TENM3: variants seen among roughly 807,000 people sequenced by gnomAD.
TENM3 encodes the protein teneurin-3.
In TENM3, 63 loss-of-function variants were observed where a neutral mutation model predicts 255.1. The observed-to-expected ratio is 0.25, with a 90% CI of 0.20 to 0.30. TENM3 has a LOEUF of 0.30. Among genes scored for constraint, TENM3 ranks in the 10% least tolerant of loss-of-function variants. The pLI is 1.00. For synonymous variants in TENM3, 1,306 were observed against 1,322.3 expected (o/e 0.99, Z 0.27); for missense variants, 2,929 against 3,461.1 (o/e 0.85, Z 3.86).
chr4:182,652,011 T>C (rs572209017), intron 5 of TENM3, among the ~76,000 whole-genome samples: 1 of 152,224 alleles, frequency 6.6e-6, no homozygotes, highest in Non-Finnish European at 1.5e-5. Flanking sequence ...TACTAACATG[T>C]TCTCCTCTCT....
At chr4:182,624,104 G>A (rs992934712) in intron 4 of TENM3, among the ~76,000 whole-genome samples, 1 of 152,094 alleles carries the variant, frequency 6.6e-6, no homozygotes, top group Non-Finnish European at 1.5e-5. Context: ...GGAATCACGC[G>A]GGGAGGCCAG....
At chr4:181,886,677 G>GT in the TENM3 span, among the ~76,000 whole-genome samples, 5 of 151,886 alleles carry the variant, frequency 3.3e-5, no homozygotes, top group Non-Finnish European at 7.4e-5. Flanking sequence ...AATCTCTTAG[G>GT]TTTTTTTCTA....
intron 1 of TENM3, among the ~76,000 whole-genome samples, chr4:182,237,799 A>G (rs1203708171): frequency 6.6e-6 from 1 of 152,222 alleles, no homozygotes; most frequent in Non-Finnish European, 1.5e-5. Flanking sequence ...ATAAGTCAGT[A>G]CAGGTTAAGT....
At chr4:181,511,399 A>T in the TENM3 span, among the ~76,000 whole-genome samples, 2 of 152,204 alleles carry the variant, frequency 1.3e-5, no homozygotes, top group African/African-American at 4.8e-5. Context: ...AAGCTGGAGT[A>T]CTGGGGGCCT....
Position 182,750,514 on chromosome 4 carries a change from G to A in TENM3, c.3630-1286G>A, listed in dbSNP as rs113883821. Among the ~76,000 whole-genome samples the A allele has an allele frequency of 3.7e-3, 559 of 152,274 alleles. 7 individuals carry two copies. Among genetic ancestry groups the A allele is most frequent in the African/African-American group, 0.013 (543 of 41,538 alleles). ...TCTCTTACAGGAATGATAAAGTACA[G>A]CTATTCAGCACTTAGACGGAAAATC... On this transcript the variant is annotated intron_variant, in intron 19 of 27. Coordinates refer to ENST00000511685, the MANE Select transcript of TENM3 (RefSeq NM_001080477.4).
At chr4:182,703,815 A>T (rs1758070642) in intron 12 of TENM3, among the ~76,000 whole-genome samples, 1 of 152,220 alleles carries the variant, frequency 6.6e-6, no homozygotes. Context: ...TTTTTCTTAA[A>T]TATTAAATGT....
intron 1 of TENM3, among the ~76,000 whole-genome samples, chr4:182,304,418 T>C (rs1458027230): frequency 6.6e-6 from 1 of 152,144 alleles, no homozygotes; most frequent in Admixed American, 6.5e-5. Flanking sequence ...TTCACCGTGT[T>C]AGCCGGGATG....
chr4:181,712,673 G>A, the TENM3 span, among the ~76,000 whole-genome samples: 1 of 152,142 alleles, frequency 6.6e-6, no homozygotes, highest in Admixed American at 6.5e-5. Flanking sequence ...GAAACAGATA[G>A]AATTAATAAG....
chr4:181,537,723 C>T, the TENM3 span, among the ~76,000 whole-genome samples: 3 of 152,262 alleles, frequency 2.0e-5, no homozygotes, highest in South Asian at 2.1e-4. Context: ...CTCAAGGTCA[C>T]GCAACTAACA....
At chr4:182,743,852 A>C (rs1429011892) in intron 19 of TENM3, among the ~76,000 whole-genome samples, 1 of 152,144 alleles carries the variant, frequency 6.6e-6, no homozygotes, top group Non-Finnish European at 1.5e-5. Context: ...AGAATATTGG[A>C]TCTTCAGGTT....
At chr4:181,956,066 T>G in the TENM3 span, among the ~76,000 whole-genome samples, 1 of 152,276 alleles carries the variant, frequency 6.6e-6, no homozygotes, top group South Asian at 2.1e-4. Flanking sequence ...AAGGCAGATT[T>G]TGTGTCTGGT....
chr4:182,613,294 G>A (rs1227760395), intron 4 of TENM3, among the ~76,000 whole-genome samples: 1 of 152,114 alleles, frequency 6.6e-6, no homozygotes, highest in African/African-American at 2.4e-5. Flanking sequence ...TACACTTGAT[G>A]ACATGGATTC....
chr4:181,938,911 T>C, the TENM3 span, among the ~76,000 whole-genome samples: 1 of 152,326 alleles, frequency 6.6e-6, no homozygotes, highest in South Asian at 2.1e-4. Context: ...AAAGTCCTAC[T>C]GCAATATAAA....
At chr4:182,705,397 A>G (rs1433250420) in intron 12 of TENM3, among the ~76,000 whole-genome samples, 1 of 152,234 alleles carries the variant, frequency 6.6e-6, no homozygotes, top group Non-Finnish European at 1.5e-5. Context: ...TGATGTACGT[A>G]TCTGATGTCT....
At chr4:182,685,436 T>TA (rs1756500499) in intron 11 of TENM3, among the ~76,000 whole-genome samples, 1 of 152,146 alleles carries the variant, frequency 6.6e-6, no homozygotes, top group Non-Finnish European at 1.5e-5. Flanking sequence ...TTTAGGGTAT[T>TA]ACCACCAACC....
At chr4:181,859,833 T>C in the TENM3 span, among the ~76,000 whole-genome samples, 1 of 151,998 alleles carries the variant, frequency 6.6e-6, no homozygotes, top group Non-Finnish European at 1.5e-5. Context: ...CTAATTTACA[T>C]GAGCAGAAAA....
intron 13 of TENM3, among the ~76,000 whole-genome samples, chr4:182,715,167 G>A (rs1270919774): frequency 3.9e-5 from 6 of 152,216 alleles, no homozygotes; most frequent in African/African-American, 1.4e-4. Flanking sequence ...ACAGGCGTGA[G>A]CCACCGCACC....
At chr4:182,632,125 A>G (rs181045206) in intron 5 of TENM3, among the ~76,000 whole-genome samples, 2 of 152,274 alleles carry the variant, frequency 1.3e-5, no homozygotes, top group East Asian at 3.9e-4. Flanking sequence ...AGAGGTCCAT[A>G]TTTTTAAATG....
chr4:181,788,741 G>T, the TENM3 span, among the ~76,000 whole-genome samples: 9 of 152,114 alleles, frequency 5.9e-5, no homozygotes, highest in African/African-American at 2.2e-4. Flanking sequence ...TATACTACAG[G>T]CACACAGCAC....
Sources: allele counts gnomAD v4.1 joint callset (sites outside exome capture counted in the v4.1 genomes callset), GRCh38; gene constraint gnomAD v4.1.1; transcripts MANE v1.5; gene names NCBI Gene and HGNC (gene_info 2026-07-23, HGNC 2026-07-21).